Variants in EBF3 observed in about 807,000 individuals in gnomAD.
EBF3 encodes the protein EBF transcription factor 3, also known as transcription factor COE3.
In EBF3, 18 loss-of-function variants were observed where a neutral mutation model predicts 77.1. That is an observed-to-expected ratio of 0.23 (90% CI 0.16 to 0.35). The LOEUF is 0.35. Among genes scored for constraint, EBF3 ranks in the 10% least tolerant of loss-of-function variants. The probability of loss-of-function intolerance (pLI) is 1.00; values close to 1 mark genes in which losing one functional copy is unlikely to be tolerated. For missense variants in EBF3, 558 were observed against 860.0 expected (o/e 0.65, Z 4.39); for synonymous variants, 350 against 343.5 (o/e 1.02, Z -0.21).
At chr10:129,881,867 CTAAA>C (rs1392409914) in intron 6 of EBF3, among the ~76,000 whole-genome samples, 1 of 152,188 alleles carries the variant, frequency 6.6e-6, no homozygotes, top group Non-Finnish European at 1.5e-5. Flanking sequence ...CTCATCTGCT[CTAAA>C]TAGAGTTGTG....
chr10:129,883,928 C>A (rs1237449050), intron 6 of EBF3, among the ~76,000 whole-genome samples: 1 of 152,228 alleles, frequency 6.6e-6, no homozygotes, highest in Non-Finnish European at 1.5e-5. Context: ...GCCAACATCA[C>A]TTCAGCGAAC....
chr10:129,880,154 G>T (rs530056273), intron 6 of EBF3, among the ~76,000 whole-genome samples: 1 of 152,236 alleles, frequency 6.6e-6, no homozygotes, highest in East Asian at 1.9e-4. Context: ...TGAAGAGCTG[G>T]GTTTGGCATT....
At position 129,836,461 on chromosome 10, in the gene EBF3, G is replaced by A. The variant is rs918622502; in HGVS notation, c.*1482C>T. ...TCTTCGCGGCCGCTCCACATGCACA[G>A]AATCTACTAGGATTTGTCACGGCCG... On this transcript the variant is annotated 3_prime_UTR_variant, in exon 17 of 17. Transcript: ENST00000440978. The A allele has an allele frequency of 6.6e-6, 1 of 152,550 alleles. No homozygotes were observed. The highest frequency in any genetic ancestry group is 1.5e-5 in the Non-Finnish European group (1 of 68,034). The allele number at this position is 152,550 out of a possible 1,614,324, so 9.4% of individuals were successfully genotyped here.
intron 6 of EBF3, among the ~76,000 whole-genome samples, chr10:129,893,891 C>A (rs1025428955): frequency 1.3e-5 from 2 of 152,246 alleles, no homozygotes; most frequent in East Asian, 3.8e-4. Flanking sequence ...GCTGGCTTCC[C>A]TGGTGGGGGT....
At position 129,843,481 on chromosome 10, in the gene EBF3, C is replaced by T. The variant is rs376655042; in HGVS notation, c.1129-279G>A. On this transcript the variant is annotated intron_variant, in intron 11 of 16. Transcript: ENST00000440978. ...GTGCACGGACAAGCGGGAGGGCCGG[C>T]GGAGAACGAGCCCAATCCGTGCCTG... 45 of 386,112 alleles carry T rather than the reference C, an allele frequency of 1.2e-4. 1 individual carries two copies. The Middle Eastern group carries it at 3.0e-3, about 26-fold the overall frequency. The allele number at this position is 386,112 out of a possible 1,614,324, so 23.9% of individuals were successfully genotyped here.
At chr10:129,851,198 T>A (rs1590064652) in intron 10 of EBF3, among the ~76,000 whole-genome samples, 1 of 152,252 alleles carries the variant, frequency 6.6e-6, no homozygotes, top group Non-Finnish European at 1.5e-5. Flanking sequence ...GGATAATTTG[T>A]ATTGATCTCC....
intron 6 of EBF3, among the ~76,000 whole-genome samples, chr10:129,927,684 C>A (rs1478686534): frequency 6.6e-6 from 1 of 152,214 alleles, no homozygotes; most frequent in Non-Finnish European, 1.5e-5. Flanking sequence ...TTCTTCCTTT[C>A]GGCCCTCCCT....
chr10:129,872,083 A>T (rs1452556132), intron 8 of EBF3, among the ~76,000 whole-genome samples: 1 of 152,258 alleles, frequency 6.6e-6, no homozygotes, highest in Non-Finnish European at 1.5e-5. Context: ...CTCAGATCAT[A>T]ATAGCTCATT....
Position 129,864,952 on chromosome 10 carries a change from C to T in EBF3, c.1039+2189G>A, listed in dbSNP as rs142298501. ...TTAGACACTGTACATAAGTCATCCC[C>T]GATCCTTGCCAAAACCTTGCCAGAT... On this transcript the variant is annotated intron_variant, in intron 10 of 16. Transcript: ENST00000440978. The surrounding 1 kb of genome is among the most constrained non-coding windows in gnomAD (Gnocchi z 4.4). Among the ~76,000 whole-genome samples the T allele has an allele frequency of 1.3e-5, 2 of 152,320 alleles. No homozygotes were observed. The highest frequency in any genetic ancestry group is 1.9e-4 in the East Asian group (1 of 5,184).
chr10:129,885,235 G>A lies in EBF3; in HGVS notation c.555-7386C>T, dbSNP rs530177017. 1.4e-4 allele frequency among the ~76,000 whole-genome samples: 22 copies of A among 152,196 alleles called. No homozygotes were observed. The highest frequency in any genetic ancestry group is 4.1e-4 in the African/African-American group (17 of 41,524). ...TCTGATGGGATTTAATGGCTTTGCC[G>A]GCCAGTTCAATATCCCCTTCCAGAA... is the stretch of plus-strand genomic sequence containing the variant. On this transcript the variant is annotated intron_variant, in intron 6 of 16. Transcript: ENST00000440978. The surrounding 1 kb of genome is among the most constrained non-coding windows in gnomAD (Gnocchi z 4.0).
At chr10:129,905,724 G>A (rs1390020853) in intron 6 of EBF3, among the ~76,000 whole-genome samples, 1 of 152,194 alleles carries the variant, frequency 6.6e-6, no homozygotes, top group Non-Finnish European at 1.5e-5. Flanking sequence ...ACGGTGGCGG[G>A]GAAGGGAAGG....
intron 10 of EBF3, among the ~76,000 whole-genome samples, chr10:129,850,131 C>G (rs1013534484): frequency 1.3e-5 from 2 of 152,362 alleles, no homozygotes; most frequent in Middle Eastern, 6.8e-3. Flanking sequence ...AAAAAGGCGG[C>G]CCACTGCATT....
chr10:129,939,639 C>T (rs573624993), intron 6 of EBF3, among the ~76,000 whole-genome samples: 50 of 152,334 alleles, frequency 3.3e-4, no homozygotes, highest in African/African-American at 1.1e-3. Flanking sequence ...AATGCCACCC[C>T]GGGGCCATCA....
chr10:129,923,943 C>G (rs1856475463), intron 6 of EBF3, among the ~76,000 whole-genome samples: 1 of 152,110 alleles, frequency 6.6e-6, no homozygotes, highest in Non-Finnish European at 1.5e-5. Flanking sequence ...ACCTCAACAC[C>G]AACGAAATGA....
intron 6 of EBF3, among the ~76,000 whole-genome samples, chr10:129,946,362 CT>C (rs1244535147): frequency 6.6e-6 from 1 of 152,184 alleles, no homozygotes; most frequent in East Asian, 1.9e-4. Context: ...GCTGTAATTG[CT>C]GAAAATAATT....
intron 11 of EBF3, among the ~76,000 whole-genome samples, chr10:129,843,635 A>G (rs113380267): frequency 6.6e-6 from 1 of 152,228 alleles, no homozygotes; most frequent in Admixed American, 6.5e-5. Context: ...GTAATTTTCC[A>G]TATCTTAATT....
chr10:129,924,424 C>CAACAACAAAAAAAAAA (rs1856510338), intron 6 of EBF3, among the ~76,000 whole-genome samples: 1 of 111,194 alleles, frequency 9.0e-6, no homozygotes, highest in Non-Finnish European at 1.8e-5. Flanking sequence ...CAAACAACAA[C>CAACAACAAAAAAAAAA]AACAACAAAA....
intron 15 of EBF3, 68 bp downstream of exon 15, chr10:129,840,177 C>A: frequency 1.4e-6 from 2 of 1,425,918 alleles, no homozygotes; most frequent in South Asian, 2.7e-5. Context: ...GCCGAGCCCC[C>A]ACCCCCACTC....
chr10:129,940,003 G>A (rs965461120), intron 6 of EBF3, among the ~76,000 whole-genome samples: 1 of 152,208 alleles, frequency 6.6e-6, no homozygotes, highest in South Asian at 2.1e-4. Flanking sequence ...CCTCTGACGG[G>A]GATGTATCAG....
Sources: gnomAD v4.1 joint callset for allele counts (sites outside exome capture counted in the v4.1 genomes callset) on GRCh38, gnomAD v4.1.1 for gene constraint, Gnocchi (gnomAD v3.1) non-coding constraint, MANE v1.5 for transcripts, NCBI Gene and HGNC (gene_info 2026-07-23, HGNC 2026-07-21) for gene names.